Variants in ZNF385B observed in about 807,000 individuals in gnomAD.
ZNF385B encodes zinc finger protein 533.
Under a neutral mutation model 39.2 loss-of-function variants are expected in ZNF385B, and 23 were observed. That is an observed-to-expected ratio of 0.59 (90% CI 0.42 to 0.83). ZNF385B has a LOEUF of 0.83. Among genes scored for constraint, ZNF385B ranks in the 40% least tolerant of loss-of-function variants. ZNF385B has a pLI of 0.00. For missense variants in ZNF385B, 552 were observed against 598.9 expected (o/e 0.92, Z 0.82); for synonymous variants, 205 against 222.6 (o/e 0.92, Z 0.70).
chr2:179,462,327 A>G (rs1385999590), intron 6 of ZNF385B, among the ~76,000 whole-genome samples: 1 of 152,184 alleles, frequency 6.6e-6, no homozygotes, highest in African/African-American at 2.4e-5. Flanking sequence ...CAGAGTACCT[A>G]CTTTCTTCCA....
intron 3 of ZNF385B, among the ~76,000 whole-genome samples, chr2:179,690,391 C>T (rs747032100): frequency 6.6e-6 from 1 of 152,160 alleles, no homozygotes; most frequent in Non-Finnish European, 1.5e-5. Flanking sequence ...ATACTCAAGT[C>T]TCACAGTTGG....
intron 3 of ZNF385B, among the ~76,000 whole-genome samples, chr2:179,727,265 C>T (rs566620317): frequency 3.3e-5 from 5 of 152,096 alleles, no homozygotes; most frequent in African/African-American, 1.2e-4. Context: ...TCAATTATCC[C>T]ACTTTTGGAA....
intron 5 of ZNF385B, among the ~76,000 whole-genome samples, chr2:179,493,778 T>TACAG (rs1245337264): frequency 1.0e-5 from 1 of 98,816 alleles, no homozygotes; most frequent in African/African-American, 3.6e-5. Context: ...CATATATGTA[T>TACAG]ATACACATAT....
chr2:179,794,409 C>CTTAATGA (rs150851440), intron 1 of ZNF385B, among the ~76,000 whole-genome samples: 150,711 of 152,190 alleles, frequency 0.99, 74,637 homozygotes, highest in East Asian at 1. Flanking sequence ...TATTCTAAAA[C>CTTAATGA]TAGAAATTCT....
chr2:179,822,798 A>G (rs1433306724), intron 1 of ZNF385B, among the ~76,000 whole-genome samples: 1 of 152,214 alleles, frequency 6.6e-6, no homozygotes, highest in African/African-American at 2.4e-5. Context: ...TGCACACAAA[A>G]ATAAACACAT....
At chr2:179,644,160 T>C (rs1692511580) in intron 3 of ZNF385B, among the ~76,000 whole-genome samples, 1 of 152,098 alleles carries the variant, frequency 6.6e-6, no homozygotes, top group African/African-American at 2.4e-5. Flanking sequence ...AACTACTATA[T>C]AGGAAAGCAG....
intron 6 of ZNF385B, among the ~76,000 whole-genome samples, chr2:179,450,524 G>A (rs1376529100): frequency 1.3e-5 from 2 of 152,182 alleles, no homozygotes; most frequent in Non-Finnish European, 2.9e-5. Context: ...GGCCATCAGA[G>A]AAATGCAAAT....
At chr2:179,548,478 C>T (rs2060370607) in intron 3 of ZNF385B, among the ~76,000 whole-genome samples, 1 of 149,626 alleles carries the variant, frequency 6.7e-6, no homozygotes. Flanking sequence ...CCAGACAATT[C>T]ATCTGAATTG....
chr2:179,659,750 T>C (rs1254286127), intron 3 of ZNF385B, among the ~76,000 whole-genome samples: 1 of 152,204 alleles, frequency 6.6e-6, no homozygotes, highest in African/African-American at 2.4e-5. Context: ...AACAAGAAGT[T>C]GTGCTAACAC....
intron 3 of ZNF385B, among the ~76,000 whole-genome samples, chr2:179,627,162 G>A (rs1184638034): frequency 2.0e-5 from 3 of 152,092 alleles, no homozygotes; most frequent in Non-Finnish European, 4.4e-5. Flanking sequence ...GTGAGTTTCT[G>A]GCAGGTTTGT....
intron 5 of ZNF385B, among the ~76,000 whole-genome samples, chr2:179,495,829 G>C (rs547820192): frequency 6.6e-6 from 1 of 152,246 alleles, no homozygotes; most frequent in Non-Finnish European, 1.5e-5. Context: ...TTACAGCTTA[G>C]ATCACAATAC....
intron 1 of ZNF385B, among the ~76,000 whole-genome samples, chr2:179,823,052 G>T (rs1707494081): frequency 6.6e-6 from 1 of 152,134 alleles, no homozygotes; most frequent in Non-Finnish European, 1.5e-5. Flanking sequence ...GTGTTCAAGA[G>T]CTCAAAATTC....
intron 3 of ZNF385B, among the ~76,000 whole-genome samples, chr2:179,687,371 C>T (rs1698002280): frequency 6.6e-6 from 1 of 152,072 alleles, no homozygotes; most frequent in South Asian, 2.1e-4. Context: ...TCCACAGACT[C>T]ATCTGCTATT....
At chr2:179,743,813 C>CT (rs546558048) in intron 3 of ZNF385B, among the ~76,000 whole-genome samples, 67 of 152,136 alleles carry the variant, frequency 4.4e-4, no homozygotes, top group African/African-American at 1.6e-3. Flanking sequence ...CATTTGAGAG[C>CT]TTTTGCTTTT....
At chr2:179,776,367 G>A (rs1159260515) in intron 1 of ZNF385B, among the ~76,000 whole-genome samples, 1 of 152,164 alleles carries the variant, frequency 6.6e-6, no homozygotes, top group East Asian at 1.9e-4. Context: ...TCCTGCTGTG[G>A]AAGGGTAAGC....
chr2:179,573,996 T>G (rs1685527565), intron 3 of ZNF385B, among the ~76,000 whole-genome samples: 1 of 152,176 alleles, frequency 6.6e-6, no homozygotes. Context: ...ATTTTCTCTT[T>G]CCACAGAAGG....
chr2:179,768,160 G>A (rs1703814208), intron 3 of ZNF385B, among the ~76,000 whole-genome samples: 1 of 151,598 alleles, frequency 6.6e-6, no homozygotes. Flanking sequence ...ATGTTGCCCA[G>A]GAGGGTCTTG....
At chr2:179,737,035 G>A (rs17772985) in intron 3 of ZNF385B, among the ~76,000 whole-genome samples, 13,916 of 152,188 alleles carry the variant, frequency 0.091, 715 homozygotes, top group Non-Finnish European at 0.11. Context: ...CTCTTTTCAC[G>A]TCTTGCCTTC....
At chr2:179,622,071 A>ACC (rs1190257984) in intron 3 of ZNF385B, among the ~76,000 whole-genome samples, 2 of 152,134 alleles carry the variant, frequency 1.3e-5, no homozygotes, top group Non-Finnish European at 2.9e-5. Context: ...CAGCCTGGCC[A>ACC]CCATTTGCTT....
Sources: gnomAD v4.1 joint callset for allele counts (sites outside exome capture counted in the v4.1 genomes callset) on GRCh38, gnomAD v4.1.1 for gene constraint, MANE v1.5 for transcripts, NCBI Gene and HGNC (gene_info 2026-07-23, HGNC 2026-07-21) for gene names.